The following ZDHHC6 variants were observed in gnomAD, a reference collection of about 807,000 sequenced individuals.
ZDHHC6 encodes palmitoyltransferase ZDHHC6.
ZDHHC6 carries 32 observed loss-of-function variants against 57.8 expected under a neutral mutation model. The ratio of observed to expected loss-of-function variants is 0.55; its 90% CI spans 0.42 to 0.74. The LOEUF (loss-of-function observed/expected upper bound fraction) is 0.74. ZDHHC6 is among the 30% of genes least tolerant of loss of function. ZDHHC6 has a pLI of 0.00. For synonymous variants in ZDHHC6, 128 were observed against 158.0 expected, an observed-to-expected ratio of 0.81 and a Z score of 1.42; for missense variants, 433 against 500.7, an observed-to-expected ratio of 0.86 and a Z score of 1.29.
chr10:112,426,181 C>CAA, downstream of ZDHHC6: 1 of 1,125,832 alleles, frequency 8.9e-7, no homozygotes, highest in Non-Finnish European at 1.3e-6. Flanking sequence ...TGACATAATT[C>CAA]TGCTTTATTT....
chr10:112,432,382 C>T lies in ZDHHC6; in HGVS notation c.1085G>A (p.Gly362Asp). ...QKGEFILATRGLRYWLYGDKI... is the reference protein window; with the variant it reads ...QKGEFILATRDLRYWLYGDKI... ...AGTACTTCCTATTACTTACCGTAAACCTCTTGTGGCTAAAATGAATTCCCC... is the reference window on the plus strand; with the variant it reads ...AGTACTTCCTATTACTTACCGTAAATCTCTTGTGGCTAAAATGAATTCCCC... The change falls in exon 9 of 11, where the codon GGT becomes GAT. Residue 362 changes from glycine to aspartate, a missense_variant. Physicochemically the swap from Gly to Asp is moderately conservative, Grantham distance 94 (BLOSUM62 -1). Coordinates refer to ENST00000369405, the MANE Select transcript of ZDHHC6 (RefSeq NM_022494.3). 6.2e-7 allele frequency: 1 copy of T among 1,614,106 alleles called. No homozygotes were observed. The highest frequency in any genetic ancestry group is 8.5e-7 in the Non-Finnish European group (1 of 1,180,010).
downstream of ZDHHC6, chr10:112,426,774 T>G (rs1438214429): frequency 6.2e-7 from 1 of 1,612,620 alleles, no homozygotes; most frequent in Admixed American, 1.7e-5. Context: ...TTAAGTGATG[T>G]TTTGTATTCT....
downstream of ZDHHC6, among the ~76,000 whole-genome samples, chr10:112,430,017 G>C (rs182471172): frequency 2.0e-3 from 310 of 152,238 alleles, no homozygotes; most frequent in Non-Finnish European, 3.3e-3. Flanking sequence ...AGAGCACAAG[G>C]ATGCCCGGGT....
At chr10:112,447,108 G>T, upstream of ZDHHC6, 2 of 489,540 alleles carry the variant, frequency 4.1e-6, no homozygotes, top group South Asian at 2.6e-5. Flanking sequence ...TTTCTGGGGG[G>T]AGGCACTAAT....
rs1846343859 is a variant in ZDHHC6, at chr10:112,443,506, G to A, written c.359+9C>T. On this transcript the variant is annotated intron_variant, in intron 3 of 10. Transcript: ENST00000369405. Reference sequence around the variant, plus strand: ...TCAGTCCTCGCTGAACAGCAAGAAAGACAGGTACCTGTTACACTTTCTGCA... The same window carrying A: ...TCAGTCCTCGCTGAACAGCAAGAAAAACAGGTACCTGTTACACTTTCTGCA... 7 of 1,612,444 alleles carry A rather than the reference G, an allele frequency of 4.3e-6. 1 individual carries two copies. In the South Asian group the frequency reaches 7.7e-5, roughly 18 times the overall value.
In ZDHHC6 at chr10:112,441,133, C is replaced by T. The variant is rs145803556; in HGVS notation, c.520-438G>A. 2.7e-3 allele frequency among the ~76,000 whole-genome samples: 406 copies of T among 152,364 alleles called. 3 individuals carry two copies. Among genetic ancestry groups the T allele is most frequent in the Admixed American group, 0.02 (301 of 15,304 alleles). The stretch of plus-strand genomic sequence containing the variant: ...GTGCTAGGATTACAGGCGTGAGCCA[C>T]TGAGCTGGGCCAGCTATTTTTAATT... On this transcript the variant is annotated intron_variant, in intron 4 of 10. Coordinates refer to ENST00000369405, the MANE Select transcript of ZDHHC6 (RefSeq NM_022494.3).
chr10:112,426,517 A>T, downstream of ZDHHC6: 1 of 642,798 alleles, frequency 1.6e-6, no homozygotes, highest in Non-Finnish European at 2.7e-6. Flanking sequence ...TAAAAAATAA[A>T]ACTCTCTTTT....
intron 5 of ZDHHC6, among the ~76,000 whole-genome samples, chr10:112,439,165 G>A (rs983806488): frequency 6.6e-6 from 1 of 151,932 alleles, no homozygotes; most frequent in African/African-American, 2.4e-5. Flanking sequence ...CTCCAGCCTG[G>A]GCCAACAGAG....
downstream of ZDHHC6, among the ~76,000 whole-genome samples, chr10:112,430,025 G>A (rs930884497): frequency 4.6e-5 from 7 of 152,136 alleles, no homozygotes; most frequent in African/African-American, 1.7e-4. Flanking sequence ...AGGATGCCCG[G>A]GTCCGCAGCC....
At chr10:112,426,872 A>T (rs757056829), downstream of ZDHHC6, 1 of 1,591,052 alleles carries the variant, frequency 6.3e-7, no homozygotes, top group South Asian at 1.1e-5. Flanking sequence ...GTGTGCTACC[A>T]CTGATGTTAT....
At chr10:112,433,351 T>G in intron 7 of ZDHHC6, 70 bp from the exon 8 acceptor site, 1 of 1,303,420 alleles carries the variant, frequency 7.7e-7, no homozygotes, top group Non-Finnish European at 1.0e-6. Context: ...CCTTTCCTCA[T>G]CAACTGTCAG....
At chr10:112,430,073 A>G (rs1489135532), downstream of ZDHHC6, among the ~76,000 whole-genome samples, 5 of 152,270 alleles carry the variant, frequency 3.3e-5, no homozygotes, top group African/African-American at 1.2e-4. Context: ...GCTCCTGCCT[A>G]TCACGGCTCC....
Position 112,430,629 on chromosome 10 carries a change from C to A in ZDHHC6, c.*175G>T. The stretch of plus-strand genomic sequence containing the variant: ...AGGGGCAGGAATTCAAAGGCATATG[C>A]AGAATGGCTTCTCCATTTCAAAATG... On this transcript the variant is annotated 3_prime_UTR_variant, in exon 11 of 11. Coordinates refer to ENST00000369405, the MANE Select transcript of ZDHHC6 (RefSeq NM_022494.3). 1.9e-6 allele frequency: 1 copy of A among 526,668 alleles called. No individual in the cohort carries two copies. The highest frequency in any genetic ancestry group is 3.3e-6 in the Non-Finnish European group (1 of 303,532). The allele number at this position is 526,668 out of a possible 1,614,324, so 32.6% of individuals were successfully genotyped here. A position where few individuals can be genotyped will look rare whatever the true frequency, so the allele number is the denominator to read the frequency against.
At chr10:112,447,202 C>T, upstream of ZDHHC6, 1 of 612,962 alleles carries the variant, frequency 1.6e-6, no homozygotes, top group South Asian at 2.3e-5. Context: ...TTCCGGAGAA[C>T]CGAGATTGCG....
upstream of ZDHHC6, chr10:112,447,409 C>T: frequency 6.2e-7 from 1 of 1,613,716 alleles, no homozygotes; most frequent in Admixed American, 1.7e-5. Flanking sequence ...AGCAGGACTT[C>T]GCGGTGCTCA....
chr10:112,444,597 T>G (rs1179945178), intron 2 of ZDHHC6, among the ~76,000 whole-genome samples: 1 of 152,180 alleles, frequency 6.6e-6, no homozygotes, highest in Non-Finnish European at 1.5e-5. Flanking sequence ...CTTCAGTATG[T>G]CTGAAGTGGA....
chr10:112,434,429 T>TTA lies in ZDHHC6; in HGVS notation c.770_771insTA (p.Glu257AspfsTer36). 1 of 1,613,772 alleles carries TTA rather than the reference T, an allele frequency of 6.2e-7. No homozygotes were observed. Among genetic ancestry groups the TTA allele is most frequent in the Non-Finnish European group, 8.5e-7 (1 of 1,179,790 alleles). On this transcript the variant is annotated frameshift_variant, in exon 7 of 11. Coordinates refer to ENST00000369405, the MANE Select transcript of ZDHHC6 (RefSeq NM_022494.3). LOFTEE classifies it high-confidence loss of function. ...CCATATCATATGGAAAAACAAAGAC[T>TTA]TCATCTAGTTGATAATACTGAATTC...
At chr10:112,426,259 C>A, downstream of ZDHHC6, 1 of 1,613,558 alleles carries the variant, frequency 6.2e-7, no homozygotes, top group South Asian at 1.1e-5. Context: ...TTTCCATAGT[C>A]ATCCTTAGTA....
chr10:112,445,506 A>G lies in ZDHHC6; in HGVS notation c.-70T>C, dbSNP rs1846576518. 1.3e-6 allele frequency: 2 copies of G among 1,515,236 alleles called. No individual in the cohort carries two copies. The highest frequency in any genetic ancestry group is 1.8e-6 in the Non-Finnish European group (2 of 1,115,494). The allele number at this position is 1,515,236 out of a possible 1,614,324, so 93.9% of individuals were successfully genotyped here. On this transcript the variant is annotated 5_prime_UTR_variant, in exon 2 of 11. The change abolishes an upstream ATG in the 5' untranslated region. Transcript: ENST00000369405. ...TTCCTTTTTCTGTGCGCACATTTCC[A>G]TGTGCCACAAGTCCATGTGTGTTCT...
Sources: allele counts gnomAD v4.1 joint callset (sites outside exome capture counted in the v4.1 genomes callset), GRCh38; gene constraint gnomAD v4.1.1; transcripts MANE v1.5; gene names NCBI Gene and HGNC (gene_info 2026-07-23, HGNC 2026-07-21).